Variants in CLEC16A observed in about 807,000 individuals in gnomAD.
CLEC16A encodes protein CLEC16A.
Under a neutral mutation model 109.5 loss-of-function variants are expected in CLEC16A, and 51 were observed. The observed-to-expected ratio is 0.47, with a 90% CI of 0.37 to 0.59. The LOEUF (loss-of-function observed/expected upper bound fraction) is 0.59. CLEC16A is among the 20% of genes least tolerant of loss of function. The pLI is 0.00. For synonymous variants in CLEC16A, 673 were observed against 564.2 expected (o/e 1.19, Z -2.73); for missense variants, 1,339 against 1,394.0 (o/e 0.96, Z 0.63).
At chr16:11,096,001 A>C (rs536866065) in intron 19 of CLEC16A, among the ~76,000 whole-genome samples, 2 of 151,974 alleles carry the variant, frequency 1.3e-5, no homozygotes, top group African/African-American at 4.8e-5. Flanking sequence ...TTACCTTTTA[A>C]TTACACAAAT....
rs545580338 is a variant in CLEC16A at position 11,064,631 on chromosome 16, G to T, written c.2116+3609G>T. 3.3e-5 allele frequency among the ~76,000 whole-genome samples: 5 copies of T among 152,274 alleles called. No homozygotes were observed. In the South Asian group the frequency reaches 1.0e-3, roughly 32 times the overall value. On this transcript the variant is annotated intron_variant, in intron 19 of 23. Coordinates refer to ENST00000409790, the MANE Select transcript of CLEC16A (RefSeq NM_015226.3). ...GTCTCTACTAAAATCCAAAAAAATA[G>T]CCGGTTGTGGTGGCAGATACCTGTA...
intron 22 of CLEC16A, among the ~76,000 whole-genome samples, chr16:11,127,041 G>A (rs772002875): frequency 4.6e-5 from 7 of 152,114 alleles, no homozygotes; most frequent in Non-Finnish European, 7.4e-5. Flanking sequence ...TGTATATACC[G>A]TAGGCATATG....
chr16:11,134,204 TGAAA>T (rs2045898707), intron 22 of CLEC16A, among the ~76,000 whole-genome samples: 1 of 127,548 alleles, frequency 7.8e-6, no homozygotes. Context: ...TTTTTTTTTT[TGAAA>T]GAAGGGCCTA....
intron 13 of CLEC16A, among the ~76,000 whole-genome samples, chr16:11,036,803 C>A (rs553629477): frequency 1.3e-5 from 2 of 152,262 alleles, no homozygotes; most frequent in South Asian, 4.1e-4. Context: ...CCCACCTTGG[C>A]CTCCCAAAGT....
chr16:10,949,383 G>A (rs531610693), intron 1 of CLEC16A, among the ~76,000 whole-genome samples: 168 of 152,290 alleles, frequency 1.1e-3, no homozygotes, highest in African/African-American at 3.8e-3. Context: ...ATCCTTGTTA[G>A]GCAGACGCTG....
chr16:11,140,607 A>C (rs1388354101), intron 22 of CLEC16A, among the ~76,000 whole-genome samples: 3 of 152,054 alleles, frequency 2.0e-5, no homozygotes, highest in Non-Finnish European at 2.9e-5. Context: ...TCCTGTCCCC[A>C]CCATGTCCCA....
In CLEC16A at chr16:11,036,544, C is replaced by CTTTTTTTTTTTTTTTTTTTTT. The variant is rs71404440; in HGVS notation, c.1538-3208_1538-3188dup. On this transcript the variant is annotated intron_variant, in intron 13 of 23. Coordinates refer to ENST00000409790, the MANE Select transcript of CLEC16A (RefSeq NM_015226.3). ...CTTGTGTTCTTTTGTTCTAATTTTC[C>CTTTTTTTTTTTTTTTTTTTTT]TTTTTTTTTTTTTTTTTTTTTTGAG... 2.8e-4 allele frequency among the ~76,000 whole-genome samples: 37 copies of CTTTTTTTTTTTTTTTTTTTTT among 131,942 alleles called. 2 individuals carry two copies. Among genetic ancestry groups the CTTTTTTTTTTTTTTTTTTTTT allele is most frequent in the African/African-American group, 1.0e-3 (35 of 34,188 alleles). The allele number at this position is 131,942 out of a possible 152,430, so 86.6% of individuals were successfully genotyped here. A position where few individuals can be genotyped will look rare whatever the true frequency, so the allele number is the denominator to read the frequency against.
intron 13 of CLEC16A, among the ~76,000 whole-genome samples, chr16:11,037,237 C>G (rs981019900): frequency 6.6e-6 from 1 of 152,214 alleles, no homozygotes; most frequent in Non-Finnish European, 1.5e-5. Context: ...CCTGTGTGCT[C>G]CTGGTGGGCT....
intron 23 of CLEC16A, among the ~76,000 whole-genome samples, chr16:11,170,634 T>C (rs1248868751): frequency 1.3e-5 from 2 of 152,136 alleles, no homozygotes; most frequent in African/African-American, 2.4e-5. Flanking sequence ...TCCAACCTCT[T>C]AGTGGCTCAT....
rs201716099 is a variant in CLEC16A at position 11,020,249 on chromosome 16, T to C, written c.1360T>C (p.Ser454Pro). Residue 454 changes from serine (S) to proline (P), a missense_variant, in exon 12 of 24, where the codon TCC becomes CCC. Physicochemically the swap from Ser to Pro is moderately conservative, Grantham distance 74 (BLOSUM62 -1). This residue lies in a region of CLEC16A where 1,061 missense variants were observed against 1,006.8 expected (regional missense o/e 1.05). Transcript: ENST00000409790. Reference sequence around the variant, plus strand: ...GCTCTCAGAGCTGGCCGCCAGCACCTCCGTGCAGGAGCAGAACACCACGGA... The same window carrying C: ...GCTCTCAGAGCTGGCCGCCAGCACCCCCGTGCAGGAGCAGAACACCACGGA... The part of the protein sequence containing the change: ...SKLSELAAST[S>P]VQEQNTTDEE... The C allele has an allele frequency of 4.3e-6, 7 of 1,613,644 alleles. No homozygotes were observed. Among genetic ancestry groups the C allele is most frequent in the Non-Finnish European group, 4.2e-6 (5 of 1,179,804 alleles).
intron 16 of CLEC16A, among the ~76,000 whole-genome samples, chr16:11,046,653 C>G (rs1597189813): frequency 6.6e-6 from 1 of 152,168 alleles, no homozygotes; most frequent in African/African-American, 2.4e-5. Context: ...TCACAATACC[C>G]TAGACAGACA....
chr16:11,037,038 A>G (rs1044689914), intron 13 of CLEC16A, among the ~76,000 whole-genome samples: 9 of 152,342 alleles, frequency 5.9e-5, no homozygotes, highest in Non-Finnish European at 1.2e-4. Flanking sequence ...TGGGGCGGGT[A>G]GTTACCATAA....
At chr16:11,054,104 T>TG (rs2048087645) in intron 18 of CLEC16A, among the ~76,000 whole-genome samples, 1 of 152,200 alleles carries the variant, frequency 6.6e-6, no homozygotes, top group South Asian at 2.1e-4. Context: ...GTGATGAGGC[T>TG]GGGGGTGCTG....
chr16:11,157,805 C>T (rs531356555), intron 22 of CLEC16A, among the ~76,000 whole-genome samples: 2 of 152,304 alleles, frequency 1.3e-5, no homozygotes, highest in South Asian at 4.1e-4. Flanking sequence ...GTAGTTTGGG[C>T]CCTGTGCCCT....
chr16:10,998,668 TCTC>T (rs2044475868), intron 10 of CLEC16A, among the ~76,000 whole-genome samples: 1 of 152,114 alleles, frequency 6.6e-6, no homozygotes, highest in African/African-American at 2.4e-5. Flanking sequence ...TTCTCCTTCT[TCTC>T]CTTTTTTCAT....
intron 10 of CLEC16A, among the ~76,000 whole-genome samples, chr16:11,001,677 G>A (rs769952840): frequency 5.9e-5 from 9 of 152,028 alleles, no homozygotes; most frequent in Non-Finnish European, 1.3e-4. Flanking sequence ...TCATTCTGTC[G>A]CCCAGGCTGG....
At chr16:11,146,112 C>T (rs2054045504) in intron 22 of CLEC16A, among the ~76,000 whole-genome samples, 1 of 152,172 alleles carries the variant, frequency 6.6e-6, no homozygotes, top group African/African-American at 2.4e-5. Context: ...TCCTTGCTTC[C>T]TTCAGATCAT....
At chr16:11,143,943 T>C (rs541106325) in intron 22 of CLEC16A, among the ~76,000 whole-genome samples, 1 of 152,274 alleles carries the variant, frequency 6.6e-6, no homozygotes, top group South Asian at 2.1e-4. Context: ...TTTTTATTCT[T>C]ATTCCCTATC....
Position 11,042,242 on chromosome 16 carries a change from T to C in CLEC16A, c.1661-12T>C. 6.4e-7 allele frequency: 1 copy of C among 1,564,902 alleles called. No individual in the cohort carries two copies. The highest frequency in any genetic ancestry group is 8.7e-7 in the Non-Finnish European group (1 of 1,154,226). ...CCTGGGTGTGCAAGGCTTACCCTGG[T>C]GTGCTCTGCAGATGGGAAGATCCGG... On this transcript the variant is annotated splice_polypyrimidine_tract_variant and intron_variant, in intron 14 of 23. Transcript: ENST00000409790.
Sources: allele counts gnomAD v4.1 joint callset (sites outside exome capture counted in the v4.1 genomes callset), GRCh38; gene constraint gnomAD v4.1.1; regional missense constraint gnomAD v4.1.1; transcripts MANE v1.5; gene names NCBI Gene and HGNC (gene_info 2026-07-23, HGNC 2026-07-21).